The following PRAG1 variants were observed in gnomAD, a reference collection of about 807,000 sequenced individuals.
The protein encoded by PRAG1 is PEAK1 related, kinase-activating pseudokinase 1.
PRAG1 carries 110 observed loss-of-function variants against 95.6 expected under a neutral mutation model. The ratio of observed to expected loss-of-function variants is 1.15; its 90% CI spans 0.99 to 1.35. PRAG1 has a LOEUF of 1.35. PRAG1 is among the 40% of genes most tolerant of loss of function. PRAG1 has a pLI of 0.00. For synonymous variants in PRAG1, 1,052 were observed against 819.4 expected, an observed-to-expected ratio of 1.28 and a Z score of -4.85; for missense variants, 2,554 against 1,864.7, an observed-to-expected ratio of 1.37 and a Z score of -6.81.
At chr8:8,325,733 A>C (rs1479390221) in intron 5 of PRAG1, among the ~76,000 whole-genome samples, 1 of 151,780 alleles carries the variant, frequency 6.6e-6, no homozygotes, top group Non-Finnish European at 1.5e-5. Flanking sequence ...ATATGGGGAA[A>C]CCCCATCTCT....
intron 5 of PRAG1, among the ~76,000 whole-genome samples, chr8:8,327,118 C>G (rs570644756): frequency 5.9e-5 from 9 of 152,270 alleles, no homozygotes; most frequent in African/African-American, 2.2e-4. Flanking sequence ...CAATAAAAAC[C>G]TGGTCAATAA....
intron 5 of PRAG1, among the ~76,000 whole-genome samples, chr8:8,322,290 T>A (rs1392446106): frequency 6.6e-6 from 1 of 152,082 alleles, no homozygotes; most frequent in Non-Finnish European, 1.5e-5. Flanking sequence ...AAGCGATTCT[T>A]CTGCCTCAGC....
intron 3 of PRAG1, among the ~76,000 whole-genome samples, chr8:8,351,183 T>C (rs1799508880): frequency 1.3e-5 from 2 of 152,088 alleles, no homozygotes; most frequent in South Asian, 2.1e-4. Flanking sequence ...TTTAAAAACA[T>C]GGCAGAAGGC....
chr8:8,320,774 A>G (rs765642670), intron 5 of PRAG1, among the ~76,000 whole-genome samples: 15 of 152,224 alleles, frequency 9.9e-5, no homozygotes, highest in African/African-American at 1.9e-4. Flanking sequence ...AAGTACCTCA[A>G]TGCTTACAGG....
intron 3 of PRAG1, among the ~76,000 whole-genome samples, chr8:8,345,046 GGTGTGTGTGTGTGTGTGTGTGTGT>G (rs57329300): frequency 4.5e-5 from 6 of 133,990 alleles, no homozygotes; most frequent in African/African-American, 1.7e-4. Context: ...TTATCCGCAG[GGTGTGTGTGTGTGTGTGTGTGTGT>G]GTGTGTGTGT....
chr8:8,364,870 C>G lies in PRAG1; in HGVS notation c.2162+11377G>C, dbSNP rs113735126. ...ATTCTACATGCAAAGTACTCCTTAT[C>G]TTTCTCAGGTTTCTGCTTTTTGTAG... On this transcript the variant is annotated intron_variant, in intron 3 of 5. Coordinates refer to ENST00000615670, the MANE Select transcript of PRAG1 (RefSeq NM_001080826.3). Among the ~76,000 whole-genome samples the G allele has an allele frequency of 5.8e-3, 889 of 152,214 alleles. 7 individuals carry two copies. Among genetic ancestry groups the G allele is most frequent in the African/African-American group, 0.02 (834 of 41,528 alleles).
intron 4 of PRAG1, 117 bp downstream of exon 4, chr8:8,339,361 G>C (rs1799094141): frequency 9.0e-7 from 1 of 1,116,110 alleles, no homozygotes; most frequent in African/African-American, 1.6e-5. Context: ...ACTTCATTGA[G>C]AAAGCAGGAC....
Position 8,367,450 on chromosome 8 carries a change from C to T in PRAG1, c.2162+8797G>A, listed in dbSNP as rs1397818226. Among the ~76,000 whole-genome samples the T allele has an allele frequency of 5.5e-5, 4 of 72,728 alleles. No individual in the cohort carries two copies. The Admixed American group carries it at 9.7e-4, about 18-fold the overall frequency. The allele number at this position is 72,728 out of a possible 152,430, so 47.7% of individuals were successfully genotyped here. A position where few individuals can be genotyped will look rare whatever the true frequency, so the allele number is the denominator to read the frequency against. ...TCCAGCCTAGGTGAAAGGAGCAAGA[C>T]TCCATCTCAAAAAAAAAAAAAAAAA... is the stretch of plus-strand genomic sequence containing the variant. On this transcript the variant is annotated intron_variant, in intron 3 of 5. Transcript: ENST00000615670.
intron 3 of PRAG1, 38 bp from the exon 4 acceptor site, chr8:8,339,673 T>A: frequency 6.3e-7 from 1 of 1,580,654 alleles, no homozygotes; most frequent in South Asian, 1.1e-5. Context: ...AATAACTCAT[T>A]GGATTTCCAT....
At chr8:8,320,382 ACT>A (rs1192735429) in intron 5 of PRAG1, among the ~76,000 whole-genome samples, 1 of 152,060 alleles carries the variant, frequency 6.6e-6, no homozygotes, top group African/African-American at 2.4e-5. Flanking sequence ...GATCCACACA[ACT>A]CTGTCTTTCT....
Position 8,349,447 on chromosome 8 carries a change from A to AT in PRAG1, c.2163-9813dup, listed in dbSNP as rs571901796. On this transcript the variant is annotated intron_variant, in intron 3 of 5. Transcript: ENST00000615670. The stretch of plus-strand genomic sequence containing the variant: ...AGGCGCCCGCCACCTCGCCAGGCTA[A>AT]TTTTTTTTATATTTTTAGTAGAGAC... Among the ~76,000 whole-genome samples the AT allele has an allele frequency of 2.3e-3, 355 of 151,644 alleles. 1 individual carries two copies. The highest frequency in any genetic ancestry group is 8.3e-3 in the African/African-American group (345 of 41,358).
rs774409992 is a variant in PRAG1 at position 8,376,525 on chromosome 8, G to A, written c.1884C>T (p.Phe628=). The change falls in exon 3 of 6, where the codon TTC becomes TTT. Residue 628 remains phenylalanine, a synonymous_variant. Coordinates refer to ENST00000615670, the MANE Select transcript of PRAG1 (RefSeq NM_001080826.3). ...SSASEQRRPR[F]QAGTWSRQCR... The stretch of plus-strand genomic sequence containing the variant: ...ACTGACGACTCCAGGTGCCTGCCTG[G>A]AACCTGGGCCGCCTCTGTTCCGAGG... The A allele has an allele frequency of 1.2e-6, 2 of 1,609,666 alleles. No individual in the cohort carries two copies. The highest frequency in any genetic ancestry group is 1.7e-6 in the Non-Finnish European group (2 of 1,177,172).
At position 8,375,446 on chromosome 8, in the gene PRAG1, C is replaced by T. The variant is rs148140338; in HGVS notation, c.2162+801G>A. 8.1e-3 allele frequency among the ~76,000 whole-genome samples: 1,230 copies of T among 152,166 alleles called. 14 individuals are homozygous for T. The highest frequency in any genetic ancestry group is 0.028 in the African/African-American group (1,168 of 41,516). Reference sequence around the variant, plus strand: ...CTCGATCTCCTGATCGTGATCCGCCCGCCTCGGCCTCCCAAAGTGCTGAGA... The same window carrying T: ...CTCGATCTCCTGATCGTGATCCGCCTGCCTCGGCCTCCCAAAGTGCTGAGA... On this transcript the variant is annotated intron_variant, in intron 3 of 5. Coordinates refer to ENST00000615670, the MANE Select transcript of PRAG1 (RefSeq NM_001080826.3).
chr8:8,365,875 G>A (rs1799986715), intron 3 of PRAG1, among the ~76,000 whole-genome samples: 1 of 151,956 alleles, frequency 6.6e-6, no homozygotes, highest in Admixed American at 6.6e-5. Flanking sequence ...AGCTACTTGG[G>A]AGGCTGAGGC....
intron 3 of PRAG1, among the ~76,000 whole-genome samples, chr8:8,375,493 C>G (rs187947866): frequency 6.6e-6 from 1 of 152,234 alleles, no homozygotes; most frequent in East Asian, 1.9e-4. Context: ...AGCCACCACG[C>G]CCAGCCCCAT....
Position 8,378,067 on chromosome 8 carries a change from T to C in PRAG1, c.342A>G (p.Arg114=). The C allele has an allele frequency of 6.5e-7, 1 of 1,536,734 alleles. No individual in the cohort carries two copies. The highest frequency in any genetic ancestry group is 8.7e-7 in the Non-Finnish European group (1 of 1,143,658). ...GGAGGGGGAGCTTGCCAGGGGCTCG[T>C]CTCCAGATGACCTACACACAAGCCC... The part of the protein sequence containing the change: ...LSAEVSQVIW[R]RAPGKLPLPK... The change falls in exon 3 of 6, where the codon AGA becomes AGG. Residue 114 remains arginine (R), a synonymous_variant. Transcript: ENST00000615670.
At chr8:8,369,191 T>G (rs1401329149) in intron 3 of PRAG1, among the ~76,000 whole-genome samples, 1 of 128,332 alleles carries the variant, frequency 7.8e-6, no homozygotes, top group Non-Finnish European at 1.7e-5. Flanking sequence ...TCTGGCTTGC[T>G]TTTTTTTTTT....
At position 8,381,798 on chromosome 8, in the gene PRAG1, T is replaced by C; in HGVS notation, c.-51A>G. 6.9e-7 allele frequency: 1 copy of C among 1,457,542 alleles called. No homozygotes were observed. The highest frequency in any genetic ancestry group is 9.2e-7 in the Non-Finnish European group (1 of 1,089,142). The allele number at this position is 1,457,542 out of a possible 1,614,324, so 90.3% of individuals were successfully genotyped here. On this transcript the variant is annotated 5_prime_UTR_variant, in exon 2 of 6. Transcript: ENST00000615670. ...TCTTGCGCCCGGCTCTCTGGTGCAG[T>C]TTTGTGGGATTCAGAGGTGGGTCAC...
intron 3 of PRAG1, among the ~76,000 whole-genome samples, chr8:8,350,585 T>C (rs1184673163): frequency 1.3e-5 from 2 of 152,218 alleles, no homozygotes; most frequent in Non-Finnish European, 2.9e-5. Context: ...CCTCAGGAGC[T>C]ACTGGGAAGA....
Sources: allele counts gnomAD v4.1 joint callset (sites outside exome capture counted in the v4.1 genomes callset), GRCh38; gene constraint gnomAD v4.1.1; transcripts MANE v1.5; gene names NCBI Gene and HGNC (gene_info 2026-07-23, HGNC 2026-07-21).